The following CDC42SE2 variants were observed in gnomAD, a reference collection of about 807,000 sequenced individuals.
The protein encoded by CDC42SE2 is CDC42 small effector 2.
Under a neutral mutation model 11.5 loss-of-function variants are expected in CDC42SE2, and 3 were observed. The observed-to-expected ratio is 0.26, with a 90% CI of 0.12 to 0.67. CDC42SE2 has a LOEUF of 0.67. CDC42SE2 is among the 30% of genes least tolerant of loss of function. CDC42SE2 has a pLI of 0.80. For synonymous variants in CDC42SE2, 33 were observed against 34.8 expected (o/e 0.95, Z 0.18); for missense variants, 82 against 106.8 (o/e 0.77, Z 1.02).
intron 1 of CDC42SE2, among the ~76,000 whole-genome samples, chr5:131,297,055 A>T (rs1485127632): frequency 6.6e-6 from 1 of 152,126 alleles, no homozygotes; most frequent in Non-Finnish European, 1.5e-5. Flanking sequence ...TGGAGATATA[A>T]ATAGTAGTGA....
intron 1 of CDC42SE2, among the ~76,000 whole-genome samples, chr5:131,271,359 GA>G (rs1342637301): frequency 2.0e-5 from 3 of 151,948 alleles, no homozygotes; most frequent in African/African-American, 7.3e-5. Context: ...CACATCTGAG[GA>G]TTTAGCCAGC....
At chr5:131,386,482 G>T (rs1750490847) in intron 4 of CDC42SE2, among the ~76,000 whole-genome samples, 1 of 152,178 alleles carries the variant, frequency 6.6e-6, no homozygotes, top group Non-Finnish European at 1.5e-5. Context: ...TCCCTTTAGG[G>T]CAAGGCAGTA....
At chr5:131,354,000 G>A (rs964007675) in intron 2 of CDC42SE2, among the ~76,000 whole-genome samples, 9 of 152,156 alleles carry the variant, frequency 5.9e-5, no homozygotes, top group Non-Finnish European at 1.0e-4. Flanking sequence ...AGCATTTTGG[G>A]AGAAGGAGGC....
At chr5:131,307,855 T>C (rs1422499649) in intron 1 of CDC42SE2, among the ~76,000 whole-genome samples, 2 of 152,240 alleles carry the variant, frequency 1.3e-5, no homozygotes, top group African/African-American at 2.4e-5. Context: ...TTTGGCTGCA[T>C]GAATGTCTTC....
rs141417815 is a variant in CDC42SE2 at position 131,324,766 on chromosome 5, A to G, written c.-286+8622A>G. On this transcript the variant is annotated intron_variant, in intron 2 of 4. Coordinates refer to ENST00000505065, the MANE Select transcript of CDC42SE2 (RefSeq NM_001375635.1). ...TTATCTTCTCCTTTAGTATAAAAAA[A>G]TACCCCAGATACTCTTGGAAGTTAA... 1.1e-4 allele frequency among the ~76,000 whole-genome samples: 17 copies of G among 152,326 alleles called. No individual in the cohort carries two copies. The East Asian group carries it at 2.9e-3, about 26-fold the overall frequency.
intron 1 of CDC42SE2, among the ~76,000 whole-genome samples, chr5:131,294,337 G>A (rs559158662): frequency 6.6e-6 from 1 of 152,282 alleles, no homozygotes; most frequent in South Asian, 2.1e-4. Context: ...TTACTCATCA[G>A]TTTGGGAACT....
At chr5:131,283,063 G>A (rs909147171) in intron 1 of CDC42SE2, among the ~76,000 whole-genome samples, 2 of 151,866 alleles carry the variant, frequency 1.3e-5, no homozygotes, top group African/African-American at 2.4e-5. Context: ...GAGTAGATGG[G>A]ATTACAGGCA....
intron 1 of CDC42SE2, among the ~76,000 whole-genome samples, chr5:131,264,561 C>T (rs1177709356): frequency 6.6e-6 from 1 of 151,944 alleles, no homozygotes; most frequent in Non-Finnish European, 1.5e-5. Flanking sequence ...GCGGGGAGGG[C>T]CCGGGGTCTC....
At chr5:131,235,181 G>A in the CDC42SE2 span, among the ~76,000 whole-genome samples, 8 of 151,864 alleles carry the variant, frequency 5.3e-5, no homozygotes, top group Admixed American at 3.3e-4. Flanking sequence ...GAGCCACCGC[G>A]CCTGGCCAGT....
At chr5:131,261,550 C>G (rs1281542697), upstream of CDC42SE2, 1 of 152,134 alleles carries the variant, frequency 6.6e-6, no homozygotes, top group African/African-American at 2.4e-5. Context: ...TGCACACATA[C>G]TCTACAAAAA....
chr5:131,253,759 C>T (rs1756658731), intron 1 of CDC42SE2, among the ~76,000 whole-genome samples: 1 of 152,062 alleles, frequency 6.6e-6, no homozygotes, highest in African/African-American at 2.4e-5. Flanking sequence ...GAGTGAAACT[C>T]TGTCTAAAAA....
intron 1 of CDC42SE2, among the ~76,000 whole-genome samples, chr5:131,299,799 A>T (rs556756652): frequency 6.6e-6 from 1 of 152,302 alleles, no homozygotes; most frequent in Non-Finnish European, 1.5e-5. Context: ...GTGAAAGATG[A>T]GGGCATAGGA....
the CDC42SE2 span, among the ~76,000 whole-genome samples, chr5:131,213,832 G>A: frequency 6.6e-6 from 1 of 152,184 alleles, no homozygotes; most frequent in Non-Finnish European, 1.5e-5. Context: ...AGTCTTCTGA[G>A]GATAAGAAAT....
the CDC42SE2 span, among the ~76,000 whole-genome samples, chr5:131,236,920 A>G: frequency 6.6e-6 from 1 of 152,198 alleles, no homozygotes; most frequent in African/African-American, 2.4e-5. Flanking sequence ...TACCCTAATT[A>G]TCTTTATAAA....
chr5:131,340,012 T>C (rs1758675159), intron 2 of CDC42SE2, among the ~76,000 whole-genome samples: 2 of 152,198 alleles, frequency 1.3e-5, no homozygotes, highest in Non-Finnish European at 2.9e-5. Context: ...AAGAATTTTG[T>C]ATTCAAATGA....
chr5:131,312,946 C>T (rs555441448), intron 1 of CDC42SE2, among the ~76,000 whole-genome samples: 14 of 152,068 alleles, frequency 9.2e-5, no homozygotes, highest in South Asian at 6.2e-4. Context: ...TGTTCCTATT[C>T]GGCCATCTTG....
At chr5:131,231,874 C>G in the CDC42SE2 span, among the ~76,000 whole-genome samples, 1 of 152,130 alleles carries the variant, frequency 6.6e-6, no homozygotes, top group South Asian at 2.1e-4. Context: ...TCACTGCAAC[C>G]TCCACCTCCC....
chr5:131,340,780 C>T (rs781461501), intron 2 of CDC42SE2, among the ~76,000 whole-genome samples: 10 of 151,706 alleles, frequency 6.6e-5, no homozygotes, highest in Non-Finnish European at 1.3e-4. Flanking sequence ...CAGGTGCAAG[C>T]GATTCTTGTG....
the CDC42SE2 span, among the ~76,000 whole-genome samples, chr5:131,236,326 G>T: frequency 1.3e-5 from 2 of 152,088 alleles, no homozygotes; most frequent in Non-Finnish European, 2.9e-5. Flanking sequence ...ATATTTTCTT[G>T]AAGTATTTTC....
Sources: gnomAD v4.1 joint callset for allele counts (sites outside exome capture counted in the v4.1 genomes callset) on GRCh38, gnomAD v4.1.1 for gene constraint, MANE v1.5 for transcripts, NCBI Gene and HGNC (gene_info 2026-07-23, HGNC 2026-07-21) for gene names.